The following DCT variants were observed in gnomAD, a reference collection of about 807,000 sequenced individuals.
DCT encodes the protein L-dopachrome tautomerase.
In DCT, 47 loss-of-function variants were observed where a neutral mutation model predicts 53.0. The ratio of observed to expected loss-of-function variants is 0.89; its 90% confidence interval spans 0.70 to 1.13. The LOEUF is 1.13. DCT is among the 50% of genes most tolerant of loss of function. The probability of loss-of-function intolerance (pLI) is 0.00; values close to 1 mark genes in which losing one functional copy is unlikely to be tolerated. For synonymous variants in DCT, 244 were observed against 237.0 expected, an observed-to-expected ratio of 1.03 and a Z score of -0.27; for missense variants, 669 against 637.4, an observed-to-expected ratio of 1.05 and a Z score of -0.53.
the DCT span, among the ~76,000 whole-genome samples, chr13:94,518,584 C>T: frequency 6.6e-6 from 1 of 152,156 alleles, no homozygotes; most frequent in Admixed American, 6.5e-5. Flanking sequence ...GTTTCTCAAA[C>T]CTGGTCACAT....
chr13:94,518,108 G>GGGAAGAAAGGAAGGAA, the DCT span, among the ~76,000 whole-genome samples: 1 of 125,172 alleles, frequency 8.0e-6, no homozygotes, highest in African/African-American at 3.3e-5. Context: ...GGGAAACGAA[G>GGGAAGAAAGGAAGGAA]GGAAGGAAGG....
chr13:94,468,665 A>G, intron 2 of DCT, 81 bp downstream of exon 2: 2 of 1,254,096 alleles, frequency 1.6e-6, no homozygotes, highest in Non-Finnish European at 2.2e-6. Flanking sequence ...ATTAACTTGC[A>G]TGAAATTACT....
At chr13:94,457,213 G>C (rs1382284049) in intron 6 of DCT, among the ~76,000 whole-genome samples, 2 of 152,220 alleles carry the variant, frequency 1.3e-5, no homozygotes, top group Non-Finnish European at 2.9e-5. Context: ...GGACTGAACT[G>C]TGTTTCCCCA....
Position 94,440,071 on chromosome 13 carries a change from C to A in DCT, c.1387G>T (p.Val463Phe). The A allele has an allele frequency of 6.2e-7, 1 of 1,613,016 alleles. No individual in the cohort carries two copies. Among genetic ancestry groups the A allele is most frequent in the South Asian group, 1.1e-5 (1 of 90,980 alleles). Residue 463 changes from valine to phenylalanine, a missense_variant, in exon 8 of 8, where the codon GTT becomes TTT. Val to Phe is a conservative substitution (Grantham distance 50). Transcript: ENST00000377028. ...YSYAIDLPVS[V>F]EETPGWPTTL... ...GTGGGCCAACCTGGAGTTTCTTCAACTGAAACTAAAGCAGAAGAGAAGGGT... is the reference window on the plus strand; with the variant it reads ...GTGGGCCAACCTGGAGTTTCTTCAAATGAAACTAAAGCAGAAGAGAAGGGT...
At chr13:94,456,294 A>G (rs1883410113) in intron 6 of DCT, among the ~76,000 whole-genome samples, 1 of 152,184 alleles carries the variant, frequency 6.6e-6, no homozygotes, top group African/African-American at 2.4e-5. Context: ...TCACCTGACT[A>G]TGCTTTAATC....
Position 94,478,969 on chromosome 13 carries a change from T to C in DCT, c.287A>G (p.Lys96Arg). ...WPRKFFHRTC[K>R]CTGNFAGYNC... is the part of the protein sequence containing the mutation. ...TGGAGCATGGGCCTCACCTGTGCAC[T>C]TGCAGGTCCGGTGGAAGAATTTTCT... The change falls in exon 1 of 8, where the codon AAG becomes AGG. Residue 96 changes from lysine to arginine, a missense_variant. Transcript: ENST00000377028. The C allele has an allele frequency of 1.2e-6, 2 of 1,608,982 alleles. No homozygotes were observed. The highest frequency in any genetic ancestry group is 1.7e-6 in the Non-Finnish European group (2 of 1,176,420).
At chr13:94,457,487 T>C (rs1029758609) in intron 6 of DCT, among the ~76,000 whole-genome samples, 1 of 152,186 alleles carries the variant, frequency 6.6e-6, no homozygotes, top group East Asian at 1.9e-4. Context: ...CTGTGGGATA[T>C]AAATTTCTGT....
At chr13:94,521,224 G>A in the DCT span, among the ~76,000 whole-genome samples, 1 of 152,166 alleles carries the variant, frequency 6.6e-6, no homozygotes, top group Non-Finnish European at 1.5e-5. Context: ...AAAAACCTGT[G>A]TTGTAAGGAT....
chr13:94,503,041 T>C, the DCT span, among the ~76,000 whole-genome samples: 21 of 152,340 alleles, frequency 1.4e-4, no homozygotes, highest in East Asian at 4.1e-3. Flanking sequence ...ACCTAAGCCC[T>C]GGGACCTGTG....
At chr13:94,506,843 T>G in the DCT span, among the ~76,000 whole-genome samples, 2 of 152,224 alleles carry the variant, frequency 1.3e-5, no homozygotes, top group Non-Finnish European at 2.9e-5. Context: ...CATCCTGTTA[T>G]TCACTAAAAA....
intron 6 of DCT, among the ~76,000 whole-genome samples, chr13:94,451,399 G>C (rs1284785737): frequency 6.6e-6 from 1 of 152,208 alleles, no homozygotes; most frequent in Non-Finnish European, 1.5e-5. Context: ...TGAAGAGACT[G>C]AGTTAAGAAT....
intron 2 of DCT, chr13:94,468,444 C>T (rs1411261142): frequency 1.1e-5 from 3 of 263,468 alleles, no homozygotes; most frequent in Non-Finnish European, 2.2e-5. Context: ...AAAAGGAATT[C>T]GCCTCCACCT....
intron 4 of DCT, among the ~76,000 whole-genome samples, chr13:94,464,630 C>G (rs112160892): frequency 0.18 from 26,764 of 150,548 alleles, 2,512 homozygotes; most frequent in Non-Finnish European, 0.2. Flanking sequence ...CAGAGTGAGA[C>G]TCCATCTCAA....
upstream of DCT, among the ~76,000 whole-genome samples, chr13:94,481,423 T>C (rs1397752931): frequency 1.3e-5 from 2 of 152,206 alleles, no homozygotes; most frequent in African/African-American, 2.4e-5. Context: ...ATTCATTCCA[T>C]GTATATTTAT....
rs542756773 is a variant in DCT, at chr13:94,444,518, T to C, written c.1180-881A>G. 686 of 376,826 alleles carry C rather than the reference T, an allele frequency of 1.8e-3. 16 individuals carry two copies. The highest frequency in any genetic ancestry group is 0.012 in the South Asian group (625 of 50,046). 23.3% of individuals were successfully genotyped at this position (376,826 alleles called of 1,614,324 possible). On this transcript the variant is annotated intron_variant, in intron 6 of 7. Coordinates refer to ENST00000377028, the MANE Select transcript of DCT (RefSeq NM_001922.5). ...TCCTTTTAAAATATAGCAATTACTA[T>C]ATGTTTTGAAATATTAACAGCAAAA...
At chr13:94,513,543 T>C in the DCT span, among the ~76,000 whole-genome samples, 1,139 of 152,234 alleles carry the variant, frequency 7.5e-3, 14 homozygotes, top group African/African-American at 0.026. Flanking sequence ...GTTAGGCACT[T>C]ACTATGCCTC....
chr13:94,518,115 AAGGAAGGAAG>A, the DCT span, among the ~76,000 whole-genome samples: 5 of 107,322 alleles, frequency 4.7e-5, no homozygotes, highest in African/African-American at 3.6e-4. Flanking sequence ...GAAGGGAAGG[AAGGAAGGAAG>A]GAAGGAAGGA....
rs1329061317 is a variant in DCT at position 94,460,169 on chromosome 13, G to A, written c.1101C>T (p.Ser367=). 6.2e-7 allele frequency: 1 copy of A among 1,613,756 alleles called. No individual in the cohort carries two copies. Among genetic ancestry groups the A allele is most frequent in the East Asian group, 2.2e-5 (1 of 44,866 alleles). Residue 367 remains serine (S), a synonymous_variant, in exon 6 of 8, where the codon AGC becomes AGT. Coordinates refer to ENST00000377028, the MANE Select transcript of DCT (RefSeq NM_001922.5). The part of the protein sequence containing the change: ...ADGTLDSQVM[S]LHNLVHSFLN... Reference sequence around the variant, plus strand: ...GGAAGGAATGAACCAAATTATGAAGGCTCATCACTTGAGAATCCAGAGTCC... The same window carrying A: ...GGAAGGAATGAACCAAATTATGAAGACTCATCACTTGAGAATCCAGAGTCC...
intron 5 of DCT, among the ~76,000 whole-genome samples, chr13:94,460,501 C>G (rs987533345): frequency 6.6e-6 from 1 of 152,184 alleles, no homozygotes; most frequent in Non-Finnish European, 1.5e-5. Context: ...GGAGAGCAGG[C>G]TCTATGTTTT....
Sources: gnomAD v4.1 joint callset for allele counts (sites outside exome capture counted in the v4.1 genomes callset) on GRCh38, gnomAD v4.1.1 for gene constraint, MANE v1.5 for transcripts, NCBI Gene and HGNC (gene_info 2026-07-23, HGNC 2026-07-21) for gene names.